The following L3MBTL4 variants were observed in gnomAD, a reference collection of about 807,000 sequenced individuals.
The protein encoded by L3MBTL4 is lethal(3)malignant brain tumor-like protein 4.
In L3MBTL4, 70 loss-of-function variants were observed where a neutral mutation model predicts 84.5. The observed-to-expected ratio is 0.83, with a 90% CI of 0.68 to 1.01. The LOEUF (loss-of-function observed/expected upper bound fraction) is 1.01. Ranked by LOEUF, L3MBTL4 falls within the 50% of genes least tolerant of loss-of-function variation. The pLI, the probability that L3MBTL4 is intolerant of heterozygous loss-of-function variation, is 0.00. For missense variants in L3MBTL4, 715 were observed against 754.8 expected, an observed-to-expected ratio of 0.95 and a Z score of 0.62; for synonymous variants, 274 against 259.8, an observed-to-expected ratio of 1.05 and a Z score of -0.52.
At chr18:6,384,928 G>C (rs1479209191) in intron 1 of L3MBTL4, among the ~76,000 whole-genome samples, 8 of 152,188 alleles carry the variant, frequency 5.3e-5, no homozygotes, top group Non-Finnish European at 1.5e-5. Flanking sequence ...TAGAGACAGG[G>C]AGCAGGTAGA....
rs1568066254 is a variant in L3MBTL4 at position 6,071,733 on chromosome 18, GAAAGAAGGAAGGAAA to G, written c.1444+9133_1444+9147del. On this transcript the variant is annotated intron_variant, in intron 16 of 18. Coordinates refer to ENST00000317931, the MANE Select transcript of L3MBTL4 (RefSeq NM_001330559.2). Reference sequence around the variant, plus strand: ...AGAAAGAAGGAAAGAAAGAAGGAAAGAAAGAAGGAAGGAAAGAAAGAAAGAAAAAAAGAAAGAAAG... The same window carrying G: ...AGAAAGAAGGAAAGAAAGAAGGAAAGGAAAGAAAGAAAAAAAGAAAGAAAG... 6.1e-3 allele frequency among the ~76,000 whole-genome samples: 499 copies of G among 81,326 alleles called. 6 individuals are homozygous for G. The highest frequency in any genetic ancestry group is 0.017 in the African/African-American group (453 of 26,106). 53.4% of individuals were successfully genotyped at this position (81,326 alleles called of 152,430 possible). A position where few individuals can be genotyped will look rare whatever the true frequency, so the allele number is the denominator to read the frequency against.
chr18:6,375,350 C>A (rs1028039931), intron 1 of L3MBTL4, among the ~76,000 whole-genome samples: 1 of 152,134 alleles, frequency 6.6e-6, no homozygotes, highest in Non-Finnish European at 1.5e-5. Flanking sequence ...TGGCTCCCCA[C>A]CTGACCAGCC....
At chr18:6,237,820 C>T in intron 10 of L3MBTL4, 144 bp downstream of exon 10, 3 of 677,996 alleles carry the variant, frequency 4.4e-6, no homozygotes, top group Non-Finnish European at 7.8e-6. Context: ...GTTTCAGACA[C>T]TTGGTGGTCA....
At chr18:5,969,828 G>A (rs1314330703) in intron 16 of L3MBTL4, among the ~76,000 whole-genome samples, 1 of 152,220 alleles carries the variant, frequency 6.6e-6, no homozygotes, top group African/African-American at 2.4e-5. Context: ...ATGAGATGCT[G>A]TTTGATGGCC....
chr18:6,102,948 T>A (rs191903419), intron 14 of L3MBTL4, among the ~76,000 whole-genome samples: 2 of 151,830 alleles, frequency 1.3e-5, no homozygotes, highest in Middle Eastern at 3.4e-3. Flanking sequence ...AGAGCGAGAG[T>A]GTGTGTGTGT....
At chr18:6,111,975 C>T (rs1294273650) in intron 14 of L3MBTL4, among the ~76,000 whole-genome samples, 5 of 152,128 alleles carry the variant, frequency 3.3e-5, no homozygotes, top group African/African-American at 9.7e-5. Context: ...CCAACATCTC[C>T]GTAACCCCAC....
intron 16 of L3MBTL4, among the ~76,000 whole-genome samples, chr18:5,974,220 C>T (rs1272720923): frequency 6.6e-6 from 1 of 152,168 alleles, no homozygotes; most frequent in East Asian, 1.9e-4. Flanking sequence ...TTAAAGATTT[C>T]ATTCAAGGTG....
At chr18:6,290,853 A>G (rs2049832791) in intron 4 of L3MBTL4, among the ~76,000 whole-genome samples, 1 of 152,120 alleles carries the variant, frequency 6.6e-6, no homozygotes. Context: ...TTATCTACCT[A>G]TGGTCTAGAC....
intron 16 of L3MBTL4, among the ~76,000 whole-genome samples, chr18:5,988,079 T>C (rs1414372518): frequency 6.6e-6 from 1 of 152,238 alleles, no homozygotes; most frequent in Admixed American, 6.5e-5. Flanking sequence ...TAGGTGCTTG[T>C]CAGATCCCTA....
At chr18:5,957,183 T>C (rs1406503727) in intron 18 of L3MBTL4, among the ~76,000 whole-genome samples, 1 of 152,218 alleles carries the variant, frequency 6.6e-6, no homozygotes, top group Non-Finnish European at 1.5e-5. Context: ...AATGTTTTAT[T>C]TATTAAACTT....
At chr18:6,051,786 T>C (rs936299097) in intron 16 of L3MBTL4, among the ~76,000 whole-genome samples, 1 of 152,134 alleles carries the variant, frequency 6.6e-6, no homozygotes. Context: ...TGGTGAGCTG[T>C]GTTCACGGAC....
chr18:6,122,619 C>T (rs2059566876), intron 14 of L3MBTL4, among the ~76,000 whole-genome samples: 1 of 152,176 alleles, frequency 6.6e-6, no homozygotes, highest in East Asian at 1.9e-4. Flanking sequence ...AACTGTAAGT[C>T]AAATTAAACC....
At chr18:6,125,023 T>C (rs1362899430) in intron 14 of L3MBTL4, among the ~76,000 whole-genome samples, 1 of 152,176 alleles carries the variant, frequency 6.6e-6, no homozygotes, top group South Asian at 2.1e-4. Context: ...ATTAATATTC[T>C]CTAATGACTT....
Position 6,127,458 on chromosome 18 carries a change from C to T in L3MBTL4, c.1199+10736G>A, listed in dbSNP as rs72874062. ...TGACTTAGAACAACTAGAGAGAATA[C>T]GAAATAAAACCATAAACTATTAGGT... On this transcript the variant is annotated intron_variant, in intron 14 of 18. Coordinates refer to ENST00000317931, the MANE Select transcript of L3MBTL4 (RefSeq NM_001330559.2). Among the ~76,000 whole-genome samples, 511 of 151,998 alleles carry T rather than the reference C, an allele frequency of 3.4e-3. 5 individuals are homozygous for T. Among genetic ancestry groups the T allele is most frequent in the African/African-American group, 0.012 (480 of 41,456 alleles).
chr18:5,980,360 G>A (rs1784822), intron 16 of L3MBTL4, among the ~76,000 whole-genome samples: 35,670 of 151,208 alleles, frequency 0.24, 5,353 homozygotes, highest in African/African-American at 0.41. Context: ...AAGCATCCCC[G>A]TCTCAGGTGT....
chr18:6,341,192 A>G (rs2052592181), intron 1 of L3MBTL4, among the ~76,000 whole-genome samples: 1 of 152,116 alleles, frequency 6.6e-6, no homozygotes, highest in Non-Finnish European at 1.5e-5. Flanking sequence ...ATGCAAAGAA[A>G]CAATGCAATG....
intron 14 of L3MBTL4, among the ~76,000 whole-genome samples, chr18:6,105,674 CCTGTAATCCCAG>C (rs2058981512): frequency 6.6e-6 from 1 of 151,642 alleles, no homozygotes; most frequent in Non-Finnish European, 1.5e-5. Context: ...ATGGCGGGTG[CCTGTAATCCCAG>C]CTACTCTGGA....
chr18:6,167,007 C>T (rs1017368829), intron 13 of L3MBTL4, among the ~76,000 whole-genome samples: 2 of 152,188 alleles, frequency 1.3e-5, no homozygotes, highest in Non-Finnish European at 2.9e-5. Flanking sequence ...CACCACCGAT[C>T]CCACAGAAAT....
chr18:6,026,487 G>A (rs2055510742), intron 16 of L3MBTL4, among the ~76,000 whole-genome samples: 1 of 152,228 alleles, frequency 6.6e-6, no homozygotes, highest in South Asian at 2.1e-4. Flanking sequence ...AGCTGTGGGA[G>A]ACAGTCTGAT....
Sources: gnomAD v4.1 joint callset for allele counts (sites outside exome capture counted in the v4.1 genomes callset) on GRCh38, gnomAD v4.1.1 for gene constraint, MANE v1.5 for transcripts, NCBI Gene and HGNC (gene_info 2026-07-23, HGNC 2026-07-21) for gene names.